The following MPP2 variants were observed in gnomAD, a reference collection of about 807,000 sequenced individuals.
MPP2 encodes the protein MAGUK p55 subfamily member 2.
A neutral mutation model predicts 58.5 loss-of-function variants in MPP2; 42 were observed. The observed-to-expected ratio is 0.72, with a 90% confidence interval of 0.56 to 0.93. The LOEUF (loss-of-function observed/expected upper bound fraction) is 0.93, where lower values mean the gene tolerates loss of function less well. MPP2 is among the 40% of genes least tolerant of loss of function. The pLI is 0.00. For synonymous variants in MPP2, 300 were observed against 307.8 expected (o/e 0.97, Z 0.26); for missense variants, 632 against 760.4 (o/e 0.83, Z 1.99).
intron 2 of MPP2, among the ~76,000 whole-genome samples, chr17:43,898,648 G>A (rs1597804255): frequency 6.6e-6 from 1 of 152,208 alleles, no homozygotes; most frequent in Admixed American, 6.5e-5. Context: ...CAGGCAGCTG[G>A]AAGAGACTCT....
Position 43,884,572 on chromosome 17 carries a change from T to A in MPP2, c.151-1217A>T, listed in dbSNP as rs554309568. The stretch of plus-strand genomic sequence containing the variant: ...TTTTTAGGATGCTCTACCACTAGAT[T>A]TAGTTGATTGTTTCCTCATGATTAG... On this transcript the variant is annotated intron_variant, in intron 3 of 12. Coordinates refer to ENST00000269095, the MANE Select transcript of MPP2 (RefSeq NM_005374.5). 2.6e-5 allele frequency among the ~76,000 whole-genome samples: 4 copies of A among 152,246 alleles called. No homozygotes were observed. The South Asian group carries it at 8.3e-4, about 32-fold the overall frequency.
intron 3 of MPP2, among the ~76,000 whole-genome samples, chr17:43,896,828 CCACCTT>C (rs1377537881): frequency 6.6e-6 from 1 of 152,132 alleles, no homozygotes; most frequent in Non-Finnish European, 1.5e-5. Flanking sequence ...GAGGACTGCT[CCACCTT>C]CACCAAGAAA....
chr17:43,891,727 C>A (rs2047616262), intron 3 of MPP2, among the ~76,000 whole-genome samples: 1 of 152,088 alleles, frequency 6.6e-6, no homozygotes, highest in Admixed American at 6.6e-5. Context: ...GAGACCTCAC[C>A]TTTCTTTTAA....
At chr17:43,894,446 C>CAT (rs1242231885) in intron 3 of MPP2, among the ~76,000 whole-genome samples, 9 of 18,894 alleles carry the variant, frequency 4.8e-4, no homozygotes, top group African/African-American at 2.2e-3. Flanking sequence ...TATATATATA[C>CAT]ACACACACAC....
chr17:43,900,584 G>T (rs776229347), intron 2 of MPP2: 62 of 1,513,940 alleles, frequency 4.1e-5, no homozygotes, highest in Non-Finnish European at 5.5e-5. Context: ...CTCCCGGAGC[G>T]TCCTACACGC....
At chr17:43,896,907 C>T (rs967197044) in intron 3 of MPP2, among the ~76,000 whole-genome samples, 1 of 152,032 alleles carries the variant, frequency 6.6e-6, no homozygotes, top group Non-Finnish European at 1.5e-5. Flanking sequence ...GCCATGGGCA[C>T]CATCCCCACC....
chr17:43,907,013 C>G (rs1427003109), intron 1 of MPP2: 1 of 241,920 alleles, frequency 4.1e-6, no homozygotes, highest in African/African-American at 2.3e-5. Context: ...CTGCGGACCC[C>G]CTCCCAGGGA....
chr17:43,890,226 C>G (rs1278145509), intron 3 of MPP2, among the ~76,000 whole-genome samples: 1 of 152,072 alleles, frequency 6.6e-6, no homozygotes, highest in African/African-American at 2.4e-5. Context: ...CTTTTTTACT[C>G]ACTATTATTT....
At position 43,879,669 on chromosome 17, in the gene MPP2, G is replaced by A. The variant is rs1326285167; in HGVS notation, c.1353+113C>T. 3.1e-6 allele frequency: 4 copies of A among 1,273,354 alleles called. No individual in the cohort carries two copies. Among genetic ancestry groups the A allele is most frequent in the Non-Finnish European group, 4.4e-6 (4 of 915,700 alleles). The allele number at this position is 1,273,354 out of a possible 1,614,324, so 78.9% of individuals were successfully genotyped here. ...GCTGGGTTTCTAGCAGTAGTTGAGG[G>A]CAAAGGGGGTACATGGGCGTGTTCA... On this transcript the variant is annotated intron_variant, in intron 11 of 12. Transcript: ENST00000269095. This position sits in a 1 kb window ranked among gnomAD's most constrained non-coding sequence, Gnocchi z 4.1.
chr17:43,898,149 G>T, intron 3 of MPP2, 113 bp downstream of exon 3: 1 of 811,828 alleles, frequency 1.2e-6, no homozygotes. Flanking sequence ...CCTTCAGGGG[G>T]GCCTCTTGTG....
intron 12 of MPP2, among the ~76,000 whole-genome samples, chr17:43,878,380 G>A (rs1413807873): frequency 6.6e-6 from 1 of 152,196 alleles, no homozygotes; most frequent in Non-Finnish European, 1.5e-5. Context: ...AGTCTGACTA[G>A]GCTGCCTTAC....
chr17:43,878,294 T>C (rs1597746159), intron 12 of MPP2, among the ~76,000 whole-genome samples: 1 of 151,972 alleles, frequency 6.6e-6, no homozygotes, highest in African/African-American at 2.4e-5. Flanking sequence ...GCAGAGAAAA[T>C]GAAGGTATAA....
intron 3 of MPP2, among the ~76,000 whole-genome samples, chr17:43,885,942 T>C (rs2047348909): frequency 6.6e-6 from 1 of 151,854 alleles, no homozygotes; most frequent in Non-Finnish European, 1.5e-5. Context: ...AAACACCATC[T>C]CTACCAAAAA....
chr17:43,905,675 GCAGTGCC>G (rs1438854070), intron 1 of MPP2: 5 of 152,408 alleles, frequency 3.3e-5, no homozygotes, highest in Middle Eastern at 3.4e-3. Flanking sequence ...GAAGCATCTG[GCAGTGCC>G]CACTTTAGGA....
At chr17:43,883,160 A>T in intron 4 of MPP2, 43 bp downstream of exon 4, 1 of 1,568,452 alleles carries the variant, frequency 6.4e-7, no homozygotes, top group Non-Finnish European at 8.7e-7. Flanking sequence ...GCCCCAGTCC[A>T]CCCACCTCCT....
intron 2 of MPP2, among the ~76,000 whole-genome samples, chr17:43,899,466 C>T (rs2047995900): frequency 6.6e-6 from 1 of 152,198 alleles, no homozygotes; most frequent in South Asian, 2.1e-4. Context: ...TTCAGTGTGA[C>T]ATTGTACAAG....
intron 3 of MPP2, among the ~76,000 whole-genome samples, chr17:43,894,752 A>C (rs1188513882): frequency 6.6e-6 from 1 of 151,634 alleles, no homozygotes; most frequent in African/African-American, 2.4e-5. Flanking sequence ...TGGACAATGT[A>C]GCAAGACCCT....
At chr17:43,897,337 T>C (rs1179579729) in intron 3 of MPP2, among the ~76,000 whole-genome samples, 1 of 151,974 alleles carries the variant, frequency 6.6e-6, no homozygotes, top group African/African-American at 2.4e-5. Context: ...CAAAATTAGC[T>C]GGGCGTGGTG....
At position 43,879,322 on chromosome 17, in the gene MPP2, T is replaced by C. The variant is rs2046992602; in HGVS notation, c.1435A>G (p.Met479Val). 1 of 1,614,012 alleles carries C rather than the reference T, an allele frequency of 6.2e-7. No individual in the cohort carries two copies. Among genetic ancestry groups the C allele is most frequent in the South Asian group, 1.1e-5 (1 of 91,084 alleles). ...CCACTCTCCAGCGCAGCCCTGTTCA[T>C]GGCCCGCAGGGTCTCGAAGTCTGGG... ...EAPDFETLRA[M>V]NRAALESGIS... The change falls in exon 12 of 13, where the codon ATG becomes GTG. Residue 479 changes from methionine to valine, a missense_variant. Physicochemically the swap from Met to Val is conservative, Grantham distance 21. Transcript: ENST00000269095. This position sits in a 1 kb window ranked among gnomAD's most constrained non-coding sequence, Gnocchi z 4.1.
Sources: allele counts gnomAD v4.1 joint callset (sites outside exome capture counted in the v4.1 genomes callset), GRCh38; gene constraint gnomAD v4.1.1; non-coding constraint Gnocchi (gnomAD v3.1); transcripts MANE v1.5; gene names NCBI Gene and HGNC (gene_info 2026-07-23, HGNC 2026-07-21).